Variants in KCNQ1 observed in about 807,000 individuals in gnomAD.
KCNQ1 encodes the protein potassium voltage-gated channel subfamily Q member 1.
KCNQ1 carries 49 observed loss-of-function variants against 72.4 expected under a neutral mutation model. The observed-to-expected ratio is 0.68, with a 90% CI of 0.54 to 0.86. KCNQ1 has a LOEUF of 0.86. Among genes scored for constraint, KCNQ1 ranks in the 40% least tolerant of loss-of-function variants. The pLI is 0.00. For synonymous variants in KCNQ1, 450 were observed against 412.6 expected (o/e 1.09, Z -1.10); for missense variants, 790 against 945.1 (o/e 0.84, Z 2.15).
intron 6 of KCNQ1, among the ~76,000 whole-genome samples, chr11:2,574,360 C>G (rs1848388050): frequency 6.6e-6 from 1 of 151,768 alleles, no homozygotes; most frequent in African/African-American, 2.4e-5. Flanking sequence ...AGTCCGATAA[C>G]AGGTTAGATG....
chr11:2,739,266 G>A (rs2133950120), intron 11 of KCNQ1, among the ~76,000 whole-genome samples: 1 of 152,302 alleles, frequency 6.6e-6, no homozygotes, highest in Middle Eastern at 3.4e-3. Flanking sequence ...CAGCCCCTGT[G>A]TGAGGTACTG....
Position 2,772,760 on chromosome 11 carries a change from C to T in KCNQ1, c.1591-3200C>T, listed in dbSNP as rs982323225. On this transcript the variant is annotated intron_variant, in intron 12 of 15. Transcript: ENST00000155840. The surrounding 1 kb of genome is among the most constrained non-coding windows in gnomAD (Gnocchi z 6.6). ...CACAACAGGCCTGTTTGGAAGCACT[C>T]GCATCTGCAGAGGCTGCTAACACAC... Among the ~76,000 whole-genome samples, 3 of 152,192 alleles carry T rather than the reference C, an allele frequency of 2.0e-5. No homozygotes were observed. The highest frequency in any genetic ancestry group is 4.8e-5 in the African/African-American group (2 of 41,432).
Position 2,657,337 on chromosome 11 carries a change from T to A in KCNQ1, c.1394-4624T>A, listed in dbSNP as rs928423971. ...TTTTCAGTATTGAGTCTTCTAGTCA[T>A]TGGAATGAAGGCATATTTCTCCATT... On this transcript the variant is annotated intron_variant, in intron 10 of 15. Transcript: ENST00000155840. The surrounding 1 kb of genome is among the most constrained non-coding windows in gnomAD (Gnocchi z 4.8). 1 of 398,642 alleles carries A rather than the reference T, an allele frequency of 2.5e-6. No individual in the cohort carries two copies. Among genetic ancestry groups the A allele is most frequent in the African/African-American group, 2.1e-5 (1 of 48,768 alleles). 24.7% of individuals were successfully genotyped at this position (398,642 alleles called of 1,614,324 possible).
At chr11:2,460,495 C>G (rs1319044846) in intron 1 of KCNQ1, among the ~76,000 whole-genome samples, 2 of 150,646 alleles carry the variant, frequency 1.3e-5, no homozygotes, top group African/African-American at 4.9e-5. Flanking sequence ...CTCCCTCCCT[C>G]CCTCCCTCCC....
chr11:2,658,098 G>A lies in KCNQ1; in HGVS notation c.1394-3863G>A. ...AGGGAGGGGTTCAACTCTACCTCCT[G>A]CAGGAGAGTATCAAAAAAAATCTGC... On this transcript the variant is annotated intron_variant, in intron 10 of 15. Transcript: ENST00000155840. The surrounding 1 kb of genome is among the most constrained non-coding windows in gnomAD (Gnocchi z 4.9). 1 of 398,522 alleles carries A rather than the reference G, an allele frequency of 2.5e-6. No individual in the cohort carries two copies. The allele number at this position is 398,522 out of a possible 1,614,324, so 24.7% of individuals were successfully genotyped here.
intron 11 of KCNQ1, among the ~76,000 whole-genome samples, chr11:2,751,317 TG>T (rs1382716995): frequency 6.6e-6 from 1 of 152,142 alleles, no homozygotes; most frequent in African/African-American, 2.4e-5. Context: ...ACCCCCCACT[TG>T]CAGAGAAAGC....
In KCNQ1 at chr11:2,551,294, G is replaced by A. The variant is rs556001173; in HGVS notation, c.478-19334G>A. On this transcript the variant is annotated intron_variant, in intron 2 of 15. Transcript: ENST00000155840. ...TAGCCCCTCCCCGCACCTGGGAACC[G>A]TGGACGTGTTTCCTGTCCCCATGGT... Among the ~76,000 whole-genome samples the A allele has an allele frequency of 3.9e-4, 60 of 152,272 alleles. 1 individual carries two copies. The highest frequency in any genetic ancestry group is 1.3e-3 in the African/African-American group (53 of 41,552).
Position 2,608,394 on chromosome 11 carries a change from T to A in KCNQ1, c.1393+19540T>A, listed in dbSNP as rs1318981064. 2.5e-6 allele frequency: 1 copy of A among 398,546 alleles called. No homozygotes were observed. The highest frequency in any genetic ancestry group is 3.6e-5 in the East Asian group (1 of 28,096). 24.7% of individuals were successfully genotyped at this position (398,546 alleles called of 1,614,324 possible). ...ATTTCATCTAAGTTTTATAATTTAT[T>A]GGCACAAAATTGTTCATAGTGTTCC... On this transcript the variant is annotated intron_variant, in intron 10 of 15. Transcript: ENST00000155840. This position sits in a 1 kb window ranked among gnomAD's most constrained non-coding sequence, Gnocchi z 4.6.
chr11:2,765,882 ATCT>A (rs757649595), intron 11 of KCNQ1, among the ~76,000 whole-genome samples: 1 of 152,104 alleles, frequency 6.6e-6, no homozygotes. Context: ...GACAATCTTG[ATCT>A]TTTAATTAGA....
At chr11:2,800,649 G>C (rs376633234) in intron 15 of KCNQ1, among the ~76,000 whole-genome samples, 5 of 152,318 alleles carry the variant, frequency 3.3e-5, no homozygotes, top group African/African-American at 1.2e-4. Context: ...AAAGGGTTTT[G>C]ATGCCAAGGT....
rs538680839 is a variant in KCNQ1, at chr11:2,522,153, G to C, written c.387-5775G>C. On this transcript the variant is annotated intron_variant, in intron 1 of 15. Transcript: ENST00000155840. ...GCCTATTTGCTGTCAAGGGGAACAA[G>C]TAGGAGGTTGTTTTCTGGGGTGCGG... Among the ~76,000 whole-genome samples the C allele has an allele frequency of 2.6e-5, 4 of 152,314 alleles. No homozygotes were observed. The South Asian group carries it at 8.3e-4, about 32-fold the overall frequency.
At position 2,746,300 on chromosome 11, in the gene KCNQ1, C is replaced by T. The variant is rs1846137863; in HGVS notation, c.1515-22544C>T. ...GAGTCCCCAGGTGCCCTTCCCCCAG[C>T]AGCCCTATTATCAGCATCTCACATT... On this transcript the variant is annotated intron_variant, in intron 11 of 15. Transcript: ENST00000155840. The surrounding 1 kb of genome is among the most constrained non-coding windows in gnomAD (Gnocchi z 5.9). Among the ~76,000 whole-genome samples the T allele has an allele frequency of 6.6e-6, 1 of 152,236 alleles. No homozygotes were observed. Among genetic ancestry groups the T allele is most frequent in the Non-Finnish European group, 1.5e-5 (1 of 68,048 alleles).
chr11:2,765,888 T>A (rs990092334), intron 11 of KCNQ1, among the ~76,000 whole-genome samples: 1 of 152,234 alleles, frequency 6.6e-6, no homozygotes. Flanking sequence ...CTTGATCTTT[T>A]AATTAGACTA....
At chr11:2,525,412 G>A (rs980307316) in intron 1 of KCNQ1, among the ~76,000 whole-genome samples, 11 of 152,234 alleles carry the variant, frequency 7.2e-5, no homozygotes, top group South Asian at 2.1e-4. Context: ...GCGTGCTAGC[G>A]CTGTGCGGAT....
chr11:2,682,924 C>G lies in KCNQ1; in HGVS notation c.1514+20843C>G, dbSNP rs899071634. 3 of 398,472 alleles carry G rather than the reference C, an allele frequency of 7.5e-6. No individual in the cohort carries two copies. The highest frequency in any genetic ancestry group is 1.3e-5 in the Non-Finnish European group (3 of 226,084). The allele number at this position is 398,472 out of a possible 1,614,324, so 24.7% of individuals were successfully genotyped here. On this transcript the variant is annotated intron_variant, in intron 11 of 15. Coordinates refer to ENST00000155840, the MANE Select transcript of KCNQ1 (RefSeq NM_000218.3). The surrounding 1 kb of genome is among the most constrained non-coding windows in gnomAD (Gnocchi z 5.8). Reference sequence around the variant, plus strand: ...GAAAATGGTGGCACCTGGAGAGGTGCTCAGGTCTGTGTGGAAGAAAGGACA... The same window carrying G: ...GAAAATGGTGGCACCTGGAGAGGTGGTCAGGTCTGTGTGGAAGAAAGGACA...
intron 11 of KCNQ1, chr11:2,684,534 A>G (rs1170761637): frequency 1.5e-5 from 6 of 398,496 alleles, no homozygotes; most frequent in East Asian, 3.6e-5. Flanking sequence ...TGGAAAAGCA[A>G]TATATTTGAT....
intron 10 of KCNQ1, chr11:2,616,644 CAAT>C: frequency 2.5e-6 from 1 of 398,198 alleles, no homozygotes; most frequent in Non-Finnish European, 4.4e-6. Context: ...TTCTTTGACA[CAAT>C]AATTTTTAAA....
intron 10 of KCNQ1, chr11:2,633,584 G>C: frequency 2.5e-6 from 1 of 398,466 alleles, no homozygotes; most frequent in Non-Finnish European, 4.4e-6. Flanking sequence ...TTCTGCATAT[G>C]ATATCCTGTT....
Position 2,627,059 on chromosome 11 carries a change from G to A in KCNQ1, c.1394-34902G>A, listed in dbSNP as rs943415876. The A allele has an allele frequency of 1.3e-5, 5 of 398,388 alleles. No individual in the cohort carries two copies. The highest frequency in any genetic ancestry group is 1.8e-5 in the Non-Finnish European group (4 of 226,068). The allele number at this position is 398,388 out of a possible 1,614,324, so 24.7% of individuals were successfully genotyped here. ...TTGGCCTTCCAATCCATGAACATAG[G>A]AGGTGTTTTCCCTTTATGTCTACTT... On this transcript the variant is annotated intron_variant, in intron 10 of 15. Transcript: ENST00000155840. This position sits in a 1 kb window ranked among gnomAD's most constrained non-coding sequence, Gnocchi z 4.9.
Sources: gnomAD v4.1 joint callset for allele counts (sites outside exome capture counted in the v4.1 genomes callset) on GRCh38, gnomAD v4.1.1 for gene constraint, Gnocchi (gnomAD v3.1) non-coding constraint, MANE v1.5 for transcripts, NCBI Gene and HGNC (gene_info 2026-07-23, HGNC 2026-07-21) for gene names.